Variants in MRC1 observed in about 807,000 individuals in gnomAD.
The protein encoded by MRC1 is mannose receptor C-type 1, also known as macrophage mannose receptor 1.
MRC1 carries 62 observed loss-of-function variants against 102.9 expected under a neutral mutation model. That is an observed-to-expected ratio of 0.60 (90% confidence interval 0.49 to 0.74). MRC1 has a LOEUF of 0.74. Ranked by LOEUF, MRC1 falls within the 30% of genes least tolerant of loss-of-function variation. MRC1 has a pLI of 0.00. For synonymous variants in MRC1, 457 were observed against 298.4 expected, an observed-to-expected ratio of 1.53 and a Z score of -5.48; for missense variants, 1,237 against 862.8, an observed-to-expected ratio of 1.43 and a Z score of -5.43.
intron 4 of MRC1, among the ~76,000 whole-genome samples, chr10:17,839,450 A>G (rs1321981924): frequency 6.7e-6 from 1 of 148,822 alleles, no homozygotes; most frequent in Non-Finnish European, 1.5e-5. Flanking sequence ...CTGTGCAAGT[A>G]GAAAGATAAT....
rs969440846 is a variant in MRC1 at position 17,855,143 on chromosome 10, T to C, written c.1408-1099T>C. Among the ~76,000 whole-genome samples the C allele has an allele frequency of 1.2e-4, 19 of 152,202 alleles. 1 individual carries two copies. The highest frequency in any genetic ancestry group is 3.4e-4 in the African/African-American group (14 of 41,516). ...CCAGGGGAGCACTCATCAGTAGAAATAGGAAGAAGGCAGAAAAGATGACTG... is the reference window on the plus strand; with the variant it reads ...CCAGGGGAGCACTCATCAGTAGAAACAGGAAGAAGGCAGAAAAGATGACTG... On this transcript the variant is annotated intron_variant, in intron 8 of 29. Transcript: ENST00000569591.
intron 11 of MRC1, 120 bp from the exon 12 acceptor site, chr10:17,866,442 C>T (rs1833268599): frequency 1.3e-6 from 1 of 772,160 alleles, no homozygotes; most frequent in Non-Finnish European, 2.4e-6. Context: ...AACCCCCCTG[C>T]ATCTGAGATC....
At chr10:17,882,715 T>C (rs1833536793) in intron 21 of MRC1, among the ~76,000 whole-genome samples, 1 of 152,020 alleles carries the variant, frequency 6.6e-6, no homozygotes, top group African/African-American at 2.4e-5. Context: ...CGAGAACATT[T>C]GACAAGTTGA....
chr10:17,869,781 A>G (rs1280129238), intron 12 of MRC1, among the ~76,000 whole-genome samples: 2 of 152,244 alleles, frequency 1.3e-5, no homozygotes, highest in Admixed American at 6.5e-5. Context: ...TTGCCAGGTT[A>G]TTCATTGTTT....
In MRC1 at chr10:17,897,754, G is replaced by T. The variant is rs10508550; in HGVS notation, c.3251-280G>T. Among the ~76,000 whole-genome samples, 1,055 of 152,276 alleles carry T rather than the reference G, an allele frequency of 6.9e-3. 10 individuals carry two copies. Among genetic ancestry groups the T allele is most frequent in the African/African-American group, 0.024 (1,007 of 41,548 alleles). Reference sequence around the variant, plus strand: ...TTTCATCAAGATACCAGATTGGATTGAATTTGTCACATGTTTTGTTTGTTA... The same window carrying T: ...TTTCATCAAGATACCAGATTGGATTTAATTTGTCACATGTTTTGTTTGTTA... On this transcript the variant is annotated intron_variant, in intron 23 of 29. Coordinates refer to ENST00000569591, the MANE Select transcript of MRC1 (RefSeq NM_002438.4).
chr10:17,885,823 CATCATGATCATG>C (rs782722089), intron 22 of MRC1, among the ~76,000 whole-genome samples: 24 of 150,920 alleles, frequency 1.6e-4, no homozygotes, highest in Admixed American at 4.6e-4. Context: ...GATCATCATC[CATCATGATCATG>C]ATCATGATCA....
intron 2 of MRC1, among the ~76,000 whole-genome samples, chr10:17,823,930 C>T (rs1554838494): frequency 2.0e-5 from 3 of 152,142 alleles, no homozygotes. Context: ...GAAATCTCGG[C>T]AGATCCCTTG....
intron 6 of MRC1, among the ~76,000 whole-genome samples, chr10:17,846,342 A>C (rs1186837040): frequency 1.3e-5 from 2 of 151,780 alleles, no homozygotes; most frequent in Non-Finnish European, 1.5e-5. Flanking sequence ...CAAACTACAT[A>C]TTTTTTATTA....
intron 9 of MRC1, among the ~76,000 whole-genome samples, chr10:17,860,997 A>G (rs1833176662): frequency 6.6e-6 from 1 of 152,222 alleles, no homozygotes; most frequent in African/African-American, 2.4e-5. Flanking sequence ...TAGTTTCATG[A>G]TAGAAAAAGT....
At chr10:17,849,894 A>G (rs1310356555) in intron 7 of MRC1, 130 bp downstream of exon 7, 7 of 600,918 alleles carry the variant, frequency 1.2e-5, no homozygotes, top group East Asian at 7.9e-5. Context: ...CGAACAACGT[A>G]TGAATTTAAT....
chr10:17,829,352 C>T (rs1022817431), intron 3 of MRC1, among the ~76,000 whole-genome samples: 2 of 151,462 alleles, frequency 1.3e-5, no homozygotes, highest in Admixed American at 1.3e-4. Flanking sequence ...CTAATTATCA[C>T]ACTAAAAGTA....
chr10:17,823,203 C>G lies in MRC1; in HGVS notation c.191C>G (p.Ser64Cys). Residue 64 changes from serine (S) to cysteine (C), a missense_variant, in exon 2 of 30, where the codon TCT becomes TGT. Ser to Cys is a moderately radical substitution (Grantham distance 112). Transcript: ENST00000569591. ...CAGAAATTCCGATGGGTGTCCGAAT[C>G]TCAGATTATGAGTGTTGCATTTAAA... is the stretch of plus-strand genomic sequence containing the variant. ...ESQKFRWVSE[S>C]QIMSVAFKLC... 1 of 780,844 alleles carries G rather than the reference C, an allele frequency of 1.3e-6. No homozygotes were observed. The highest frequency in any genetic ancestry group is 2.4e-6 in the Non-Finnish European group (1 of 417,962). 48.4% of individuals were successfully genotyped at this position (780,844 alleles called of 1,614,324 possible).
rs1833954778 is a variant in MRC1, at chr10:17,910,500, T to C, written c.*35T>C. 2.6e-6 allele frequency: 2 copies of C among 780,364 alleles called. No individual in the cohort carries two copies. Among genetic ancestry groups the C allele is most frequent in the Non-Finnish European group, 2.4e-6 (1 of 417,820 alleles). 48.3% of individuals were successfully genotyped at this position (780,364 alleles called of 1,614,324 possible). ...GCGATTCTGAGATATTTGAATTTCA[T>C]AAAATTGTAACTGAAATTTAAAATT... On this transcript the variant is annotated 3_prime_UTR_variant, in exon 30 of 30. Transcript: ENST00000569591.
At chr10:17,886,621 C>G (rs1833599813) in intron 22 of MRC1, among the ~76,000 whole-genome samples, 1 of 152,170 alleles carries the variant, frequency 6.6e-6, no homozygotes, top group East Asian at 1.9e-4. Flanking sequence ...AGGGTGGCCT[C>G]CAACTCCTGA....
intron 20 of MRC1, among the ~76,000 whole-genome samples, 188 bp from the exon 21 acceptor site, chr10:17,880,879 A>G (rs1289252982): frequency 2.0e-5 from 3 of 152,246 alleles, no homozygotes; most frequent in African/African-American, 7.2e-5. Context: ...CCAAGGGAGA[A>G]TAAAACTTTG....
intron 26 of MRC1, among the ~76,000 whole-genome samples, chr10:17,904,936 A>G (rs960952549): frequency 3.0e-4 from 46 of 152,306 alleles, no homozygotes; most frequent in South Asian, 1.0e-3. Flanking sequence ...GTTTGCCCCA[A>G]CTATTATCAC....
At chr10:17,898,688 G>A (rs1833788251) in intron 24 of MRC1, among the ~76,000 whole-genome samples, 1 of 152,208 alleles carries the variant, frequency 6.6e-6, no homozygotes, top group East Asian at 1.9e-4. Context: ...CTTGTTGTAG[G>A]TCCTGAGGTT....
intron 16 of MRC1, 25 bp downstream of exon 16, chr10:17,873,850 C>T: frequency 3.4e-6 from 3 of 872,186 alleles, no homozygotes; most frequent in Non-Finnish European, 6.0e-6. Context: ...ATTTTCTGAT[C>T]TCTGTACTGA....
intron 3 of MRC1, among the ~76,000 whole-genome samples, chr10:17,833,450 G>C (rs1187065459): frequency 1.3e-5 from 2 of 148,480 alleles, no homozygotes; most frequent in Non-Finnish European, 3.0e-5. Flanking sequence ...AACCTCAAGA[G>C]TTGGAGAGTA....
Sources: allele counts gnomAD v4.1 joint callset (sites outside exome capture counted in the v4.1 genomes callset), GRCh38; gene constraint gnomAD v4.1.1; transcripts MANE v1.5; gene names NCBI Gene and HGNC (gene_info 2026-07-23, HGNC 2026-07-21).